Variants in ASPH observed in about 807,000 individuals in gnomAD.
ASPH encodes the protein aspartate beta-hydroxylase.
ASPH carries 100 observed loss-of-function variants against 118.4 expected under a neutral mutation model. The ratio of observed to expected loss-of-function variants is 0.84; its 90% CI spans 0.72 to 1.00. The LOEUF is 1.00. Among genes scored for constraint, ASPH ranks in the 50% least tolerant of loss-of-function variants. The pLI is 0.00. For synonymous variants in ASPH, 315 were observed against 325.6 expected, an observed-to-expected ratio of 0.97 and a Z score of 0.35; for missense variants, 920 against 919.5, an observed-to-expected ratio of 1.00 and a Z score of -0.01.
chr8:61,559,625 G>A (rs1163578832), intron 18 of ASPH, among the ~76,000 whole-genome samples: 1 of 152,102 alleles, frequency 6.6e-6, no homozygotes, highest in Non-Finnish European at 1.5e-5. Flanking sequence ...TAATTTTTCA[G>A]CAAGAGTTAA....
intron 2 of ASPH, among the ~76,000 whole-genome samples, chr8:61,682,797 A>T (rs1246623452): frequency 6.6e-6 from 1 of 152,176 alleles, no homozygotes; most frequent in Non-Finnish European, 1.5e-5. Context: ...ATAATTTGAC[A>T]AGTAAAGCAG....
rs1277949514 is a variant in ASPH at position 61,503,137 on chromosome 8, G to T, written c.*222C>A. 2.5e-6 allele frequency: 1 copy of T among 395,802 alleles called. No individual in the cohort carries two copies. The highest frequency in any genetic ancestry group is 4.4e-6 in the Non-Finnish European group (1 of 227,478). 24.5% of individuals were successfully genotyped at this position (395,802 alleles called of 1,614,324 possible). A position where few individuals can be genotyped will look rare whatever the true frequency, so the allele number is the denominator to read the frequency against. The stretch of plus-strand genomic sequence containing the variant: ...CCTTAAATACTGGCAGAAGACCAGT[G>T]CTGTCATGAGATGACACACAGCAGG... On this transcript the variant is annotated 3_prime_UTR_variant, in exon 25 of 25. Transcript: ENST00000379454.
chr8:61,559,560 G>A (rs1394016241), intron 18 of ASPH, among the ~76,000 whole-genome samples: 1 of 152,072 alleles, frequency 6.6e-6, no homozygotes, highest in African/African-American at 2.4e-5. Context: ...CAAACTCTTT[G>A]CGTGATACAT....
chr8:61,576,677 A>G, intron 16 of ASPH, 95 bp downstream of exon 16: 2 of 1,076,682 alleles, frequency 1.9e-6, no homozygotes, highest in Non-Finnish European at 1.3e-6. Flanking sequence ...TCTGTAGAGA[A>G]ATTAGAAAGG....
chr8:61,537,520 C>T (rs1229528868), intron 21 of ASPH, among the ~76,000 whole-genome samples: 1 of 152,026 alleles, frequency 6.6e-6, no homozygotes, highest in Non-Finnish European at 1.5e-5. Context: ...CAGGTGCACA[C>T]CACCATGCCT....
At chr8:61,619,282 A>G (rs888202094) in intron 13 of ASPH, among the ~76,000 whole-genome samples, 1 of 152,194 alleles carries the variant, frequency 6.6e-6, no homozygotes, top group Non-Finnish European at 1.5e-5. Flanking sequence ...TGTCTATAAG[A>G]TAAGAGAGTT....
rs1376101377 is a variant in ASPH at position 61,556,041 on chromosome 8, C to T, written c.1438-19G>A. ...TCAGCACCTAAACTCAAAGAAAACA[C>T]AGAACATAACTCAAAGAAAACATAG... is the stretch of plus-strand genomic sequence containing the variant. On this transcript the variant is annotated intron_variant, in intron 18 of 24. Coordinates refer to ENST00000379454, the MANE Select transcript of ASPH (RefSeq NM_004318.4). 6.2e-6 allele frequency: 10 copies of T among 1,604,112 alleles called. No homozygotes were observed. Among genetic ancestry groups the T allele is most frequent in the Admixed American group, 1.7e-5 (1 of 59,592 alleles).
rs375311283 is a variant in ASPH at position 61,603,508 on chromosome 8, GA to G, written c.976+15469del. Among the ~76,000 whole-genome samples, 869 of 151,574 alleles carry G rather than the reference GA, an allele frequency of 5.7e-3. 10 individuals are homozygous for G. Among genetic ancestry groups the G allele is most frequent in the African/African-American group, 0.02 (818 of 41,362 alleles). ...GGACATCCATAACTACTGCTACATA[GA>G]AAAAAAAATCCTATGTGGAATATGA... On this transcript the variant is annotated intron_variant, in intron 14 of 24. Transcript: ENST00000379454.
intron 1 of ASPH, among the ~76,000 whole-genome samples, chr8:61,709,224 GGACAAAAGCCT>G (rs1336721560): frequency 2.0e-5 from 3 of 151,790 alleles, no homozygotes; most frequent in Admixed American, 2.0e-4. Flanking sequence ...ATCAAATGCA[GGACAAAAGCCT>G]GAAGCATCCC....
intron 1 of ASPH, among the ~76,000 whole-genome samples, chr8:61,705,596 A>G (rs1836396701): frequency 6.6e-6 from 1 of 152,248 alleles, no homozygotes; most frequent in South Asian, 2.1e-4. Flanking sequence ...ATGTAGTACA[A>G]TGGCTGCCTC....
At chr8:61,605,286 C>A (rs976242109) in intron 14 of ASPH, among the ~76,000 whole-genome samples, 3 of 152,168 alleles carry the variant, frequency 2.0e-5, no homozygotes, top group Non-Finnish European at 2.9e-5. Flanking sequence ...TGCATTTGGA[C>A]TTAGGGATAA....
chr8:61,696,980 CTT>C (rs1180658262), intron 1 of ASPH, among the ~76,000 whole-genome samples: 1 of 152,214 alleles, frequency 6.6e-6, no homozygotes, highest in East Asian at 1.9e-4. Flanking sequence ...CATGAAGACT[CTT>C]TGACTTTAAC....
intron 14 of ASPH, 111 bp downstream of exon 14, chr8:61,618,867 C>T: frequency 1.1e-6 from 1 of 917,488 alleles, no homozygotes; most frequent in African/African-American, 1.7e-5. Context: ...AACCCAGGAG[C>T]AAATTCTTTT....
chr8:61,714,398 G>A lies in ASPH; in HGVS notation c.-27C>T, dbSNP rs1179200309. On this transcript the variant is annotated 5_prime_UTR_variant, in exon 1 of 25. Coordinates refer to ENST00000379454, the MANE Select transcript of ASPH (RefSeq NM_004318.4). ...GCACGGTCCGCGGGGGCTGGTGAGG[G>A]CTGGCGGACCTCCTTCAGTGCGCGG... is the stretch of plus-strand genomic sequence containing the variant. 3 of 1,474,230 alleles carry A rather than the reference G, an allele frequency of 2.0e-6. No individual in the cohort carries two copies. The highest frequency in any genetic ancestry group is 2.7e-6 in the Non-Finnish European group (3 of 1,110,018). The allele number at this position is 1,474,230 out of a possible 1,614,324, so 91.3% of individuals were successfully genotyped here.
intron 1 of ASPH, among the ~76,000 whole-genome samples, chr8:61,698,975 G>T (rs1834599665): frequency 6.6e-6 from 1 of 152,184 alleles, no homozygotes; most frequent in Non-Finnish European, 1.5e-5. Flanking sequence ...CTTCAGTGGG[G>T]TCTCCAGATC....
At chr8:61,682,699 C>G (rs1470272250) in intron 2 of ASPH, among the ~76,000 whole-genome samples, 2 of 152,088 alleles carry the variant, frequency 1.3e-5, no homozygotes, top group Admixed American at 1.3e-4. Flanking sequence ...AAATGAAAAA[C>G]TTCAATGAAA....
intron 4 of ASPH, among the ~76,000 whole-genome samples, chr8:61,652,171 C>T (rs560011146): frequency 3.9e-5 from 6 of 152,310 alleles, no homozygotes; most frequent in South Asian, 2.1e-4. Context: ...GTCTGCCAAT[C>T]GCCATCCTCT....
intron 1 of ASPH, among the ~76,000 whole-genome samples, chr8:61,698,028 C>A (rs1834356157): frequency 6.6e-6 from 1 of 152,142 alleles, no homozygotes; most frequent in South Asian, 2.1e-4. Context: ...TGAACTCCTC[C>A]TGGCTTCAAG....
chr8:61,539,667 A>ACCATCATG, intron 21 of ASPH, among the ~76,000 whole-genome samples: 1 of 139,018 alleles, frequency 7.2e-6, no homozygotes, highest in Non-Finnish European at 1.6e-5. Flanking sequence ...CAACCGCCTG[A>ACCATCATG]CCATCATGTG....
Sources: allele counts gnomAD v4.1 joint callset (sites outside exome capture counted in the v4.1 genomes callset), GRCh38; gene constraint gnomAD v4.1.1; transcripts MANE v1.5; gene names NCBI Gene and HGNC (gene_info 2026-07-23, HGNC 2026-07-21).